Variants in AK9 observed in about 807,000 individuals in gnomAD.
AK9 encodes adenylate kinase 9.
AK9 carries 191 observed loss-of-function variants against 239.6 expected under a neutral mutation model. The ratio of observed to expected loss-of-function variants is 0.80; its 90% confidence interval spans 0.71 to 0.90. The LOEUF is 0.90. Ranked by LOEUF, AK9 falls within the 40% of genes least tolerant of loss-of-function variation. The probability of loss-of-function intolerance (pLI) is 0.00; values close to 1 mark genes in which losing one functional copy is unlikely to be tolerated. For synonymous variants in AK9, 689 were observed against 721.0 expected (o/e 0.96, Z 0.71); for missense variants, 1,995 against 2,214.7 (o/e 0.90, Z 1.99).
At chr6:109,631,784 T>C (rs1279102314) in intron 12 of AK9, 1 of 152,090 alleles carries the variant, frequency 6.6e-6, no homozygotes. Flanking sequence ...CAGAATACAA[T>C]AAAACAATAA....
chr6:109,663,586 G>A (rs904053052), intron 5 of AK9, among the ~76,000 whole-genome samples: 3 of 152,182 alleles, frequency 2.0e-5, no homozygotes, highest in African/African-American at 7.2e-5. Context: ...GATGAGAGTG[G>A]TGGTGACATT....
chr6:109,545,773 T>C (rs1783472472), intron 26 of AK9, 94 bp downstream of exon 26: 1 of 1,448,802 alleles, frequency 6.9e-7, no homozygotes, highest in Non-Finnish European at 9.2e-7. Context: ...ACTGCCTTCC[T>C]GTCTGGGTGA....
At chr6:109,658,431 A>G (rs1284981475) in intron 7 of AK9, among the ~76,000 whole-genome samples, 1 of 152,176 alleles carries the variant, frequency 6.6e-6, no homozygotes, top group East Asian at 1.9e-4. Context: ...ATAATTTCAG[A>G]AAGTGATTAA....
At chr6:109,631,362 A>T (rs1332937669) in intron 12 of AK9, among the ~76,000 whole-genome samples, 2 of 152,186 alleles carry the variant, frequency 1.3e-5, no homozygotes, top group Non-Finnish European at 2.9e-5. Flanking sequence ...ACAACTAAAA[A>T]TGGGCAAAAC....
intron 24 of AK9, among the ~76,000 whole-genome samples, chr6:109,554,911 CAGT>C (rs1445772396): frequency 6.6e-6 from 1 of 151,960 alleles, no homozygotes; most frequent in Admixed American, 6.6e-5. Context: ...TCCTCTCTCT[CAGT>C]AGTCTAGCTA....
At chr6:109,650,378 T>C (rs4273727) in intron 8 of AK9, among the ~76,000 whole-genome samples, 88,378 of 151,520 alleles carry the variant, frequency 0.58, 27,426 homozygotes, top group South Asian at 0.84. Context: ...AGAACTCAAA[T>C]AAATTTACAA....
intron 21 of AK9, among the ~76,000 whole-genome samples, chr6:109,572,753 A>C (rs766555309): frequency 6.6e-6 from 1 of 152,136 alleles, no homozygotes; most frequent in African/African-American, 2.4e-5. Flanking sequence ...AAGACCTTTT[A>C]GTTTGTAGGA....
intron 1 of AK9, among the ~76,000 whole-genome samples, chr6:109,684,032 T>C (rs1773079011): frequency 6.6e-6 from 1 of 152,180 alleles, no homozygotes; most frequent in African/African-American, 2.4e-5. Flanking sequence ...AACAGCATGG[T>C]ACTGGTACCA....
At chr6:109,551,554 GGAAAATAATGATTTTTTTCCTAT>G (rs1784362939) in intron 24 of AK9, among the ~76,000 whole-genome samples, 1 of 151,432 alleles carries the variant, frequency 6.6e-6, no homozygotes, top group African/African-American at 2.4e-5. Context: ...AAAACGAGCT[GGAAAATAATGATTTTTTTCCTAT>G]GATGTTCAAA....
At chr6:109,667,654 TTGG>T (rs1486457248) in intron 5 of AK9, among the ~76,000 whole-genome samples, 1 of 152,112 alleles carries the variant, frequency 6.6e-6, no homozygotes, top group East Asian at 1.9e-4. Flanking sequence ...CATGCGGTGT[TTGG>T]TTTTTTGTCC....
rs1188784682 is a variant in AK9, at chr6:109,546,097, G to A, written c.2995C>T (p.Pro999Ser). Reference protein sequence around the residue: ...APPLRICLVGPQGSGKTMCGR... With the variant: ...APPLRICLVGSQGSGKTMCGR... ...CACATAGTTTTGCCAGAGCCCTGGG[G>A]GCCGACAAGGCATATTCTTAATGGA... Residue 999 changes from proline to serine, a missense_variant, in exon 26 of 41, where the codon CCC becomes TCC. Physicochemically the swap from Pro to Ser is moderately conservative, Grantham distance 74. Transcript: ENST00000424296. 6.2e-7 allele frequency: 1 copy of A among 1,608,656 alleles called. No homozygotes were observed. Among genetic ancestry groups the A allele is most frequent in the Non-Finnish European group, 8.5e-7 (1 of 1,177,442 alleles).
chr6:109,675,858 A>C, intron 1 of AK9, 102 bp from the exon 2 acceptor site: 1 of 653,876 alleles, frequency 1.5e-6, no homozygotes. Context: ...CCCAGAAGTC[A>C]TTTTGTACCA....
intron 26 of AK9, among the ~76,000 whole-genome samples, chr6:109,545,213 G>C (rs556470394): frequency 6.6e-6 from 1 of 152,290 alleles, no homozygotes; most frequent in African/African-American, 2.4e-5. Context: ...GTCAAGGTGG[G>C]TAAATGGCTT....
rs148471994 is a variant in AK9, at chr6:109,509,333, C to T, written c.4327G>A (p.Gly1443Arg). The change falls in exon 33 of 41, where the codon GGA becomes AGA. Residue 1443 changes from glycine to arginine, a missense_variant. Physicochemically the swap from Gly to Arg is moderately radical, Grantham distance 125 (BLOSUM62 -2). Coordinates refer to ENST00000424296, the MANE Select transcript of AK9 (RefSeq NM_001145128.3). ...SEYGLKHLSI[G>R]GALRYVLNNH... ...TTTAGTACATAACGCAAAGCTCCTC[C>T]TATTGATAAATGCTTTAACCCATAT... 6.4e-7 allele frequency: 1 copy of T among 1,551,688 alleles called. No homozygotes were observed. The highest frequency in any genetic ancestry group is 1.4e-5 in the African/African-American group (1 of 73,146).
At chr6:109,628,538 G>A (rs374148305) in intron 12 of AK9, among the ~76,000 whole-genome samples, 14 of 152,288 alleles carry the variant, frequency 9.2e-5, no homozygotes, top group East Asian at 7.7e-4. Context: ...TTAGTTCACT[G>A]TCATGGCTGG....
intron 17 of AK9, among the ~76,000 whole-genome samples, chr6:109,606,370 C>T (rs540140424): frequency 6.6e-6 from 1 of 152,122 alleles, no homozygotes; most frequent in Admixed American, 6.5e-5. Context: ...CACAGAAAGA[C>T]ATAACGACAG....
intron 12 of AK9, among the ~76,000 whole-genome samples, chr6:109,620,738 T>C (rs954652737): frequency 6.6e-6 from 1 of 151,830 alleles, no homozygotes; most frequent in African/African-American, 2.4e-5. Flanking sequence ...AACTAAAATA[T>C]GAATACATAT....
intron 29 of AK9, among the ~76,000 whole-genome samples, chr6:109,525,657 T>G (rs565426734): frequency 6.6e-6 from 1 of 151,988 alleles, no homozygotes; most frequent in Admixed American, 6.6e-5. Flanking sequence ...AGTCAGAAAA[T>G]AACAGATGTT....
intron 17 of AK9, among the ~76,000 whole-genome samples, chr6:109,589,403 C>A (rs532901997): frequency 1.3e-5 from 2 of 152,040 alleles, no homozygotes; most frequent in South Asian, 4.2e-4. Flanking sequence ...ACAGAAATGG[C>A]AATTTTTGTA....
Sources: allele counts gnomAD v4.1 joint callset (sites outside exome capture counted in the v4.1 genomes callset), GRCh38; gene constraint gnomAD v4.1.1; transcripts MANE v1.5; gene names NCBI Gene and HGNC (gene_info 2026-07-23, HGNC 2026-07-21).